LAMA2: variants seen among roughly 807,000 people sequenced by gnomAD.
LAMA2 encodes laminin subunit alpha 2.
In LAMA2, 269 loss-of-function variants were observed where a neutral mutation model predicts 364.8. The observed-to-expected ratio is 0.74, with a 90% CI of 0.67 to 0.82. LAMA2 has a LOEUF of 0.82. Ranked by LOEUF, LAMA2 falls within the 40% of genes least tolerant of loss-of-function variation. The pLI, the probability that LAMA2 is intolerant of heterozygous loss-of-function variation, is 0.00. For missense variants in LAMA2, 3,807 were observed against 3,873.2 expected, an observed-to-expected ratio of 0.98 and a Z score of 0.45; for synonymous variants, 1,379 against 1,370.6, an observed-to-expected ratio of 1.01 and a Z score of -0.14.
intron 54 of LAMA2, among the ~76,000 whole-genome samples, chr6:129,479,039 T>C (rs1331313564): frequency 1.3e-5 from 2 of 152,246 alleles, no homozygotes; most frequent in Non-Finnish European, 2.9e-5. Flanking sequence ...TATAGCTCTT[T>C]ATAGCACATA....
At chr6:128,994,232 G>A (rs780676578) in intron 1 of LAMA2, among the ~76,000 whole-genome samples, 4 of 152,102 alleles carry the variant, frequency 2.6e-5, no homozygotes, top group African/African-American at 4.8e-5. Context: ...AGTATTTGGG[G>A]GTATACATTA....
chr6:129,044,335 A>G (rs536127699), intron 1 of LAMA2, among the ~76,000 whole-genome samples: 2 of 152,234 alleles, frequency 1.3e-5, no homozygotes, highest in South Asian at 4.1e-4. Context: ...TGCCATTTGA[A>G]ACCAAAAAGT....
chr6:129,296,038 T>C (rs1773161025), intron 20 of LAMA2, among the ~76,000 whole-genome samples: 1 of 151,954 alleles, frequency 6.6e-6, no homozygotes, highest in African/African-American at 2.4e-5. Flanking sequence ...TATTTTTGTT[T>C]AATTTCTATT....
At chr6:129,004,591 G>A (rs1784325441) in intron 1 of LAMA2, among the ~76,000 whole-genome samples, 1 of 152,082 alleles carries the variant, frequency 6.6e-6, no homozygotes, top group African/African-American at 2.4e-5. Flanking sequence ...ACAGCCTAAT[G>A]TATTGCCTTC....
intron 4 of LAMA2, among the ~76,000 whole-genome samples, chr6:129,099,428 C>G (rs906759470): frequency 6.6e-6 from 1 of 152,014 alleles, no homozygotes; most frequent in Non-Finnish European, 1.5e-5. Flanking sequence ...CTTAGTGACT[C>G]TCTTGAATTA....
intron 12 of LAMA2, among the ~76,000 whole-genome samples, chr6:129,222,922 T>A (rs1366902909): frequency 6.6e-6 from 1 of 152,178 alleles, no homozygotes; most frequent in East Asian, 1.9e-4. Flanking sequence ...CGCCCCACTG[T>A]CTTCCACAAT....
At chr6:128,891,360 C>G (rs1334078011) in intron 1 of LAMA2, among the ~76,000 whole-genome samples, 1 of 152,000 alleles carries the variant, frequency 6.6e-6, no homozygotes. Context: ...GTAGAGTTTG[C>G]TGCATCAAAT....
At chr6:129,507,885 C>G (rs960511992) in intron 62 of LAMA2, among the ~76,000 whole-genome samples, 1 of 152,232 alleles carries the variant, frequency 6.6e-6, no homozygotes, top group African/African-American at 2.4e-5. Context: ...ATCTCCTTCA[C>G]TGGAGGTTAA....
intron 60 of LAMA2, among the ~76,000 whole-genome samples, chr6:129,504,656 CTCTA>C (rs1258591795): frequency 1.2e-4 from 18 of 152,194 alleles, no homozygotes; most frequent in Non-Finnish European, 2.1e-4. Context: ...TCAGTCACTT[CTCTA>C]TCTTACTCCC....
intron 3 of LAMA2, among the ~76,000 whole-genome samples, chr6:129,070,599 C>G (rs1773247940): frequency 6.6e-6 from 1 of 152,006 alleles, no homozygotes; most frequent in Non-Finnish European, 1.5e-5. Context: ...AATTTTTAAC[C>G]AAGAAGTAAC....
intron 45 of LAMA2, among the ~76,000 whole-genome samples, chr6:129,450,128 C>G (rs892537278): frequency 7.9e-5 from 12 of 151,506 alleles, no homozygotes; most frequent in Admixed American, 6.6e-4. Flanking sequence ...TTGGCAACCC[C>G]CTTTTCAACA....
At chr6:129,366,723 A>G (rs1249776432) in intron 33 of LAMA2, among the ~76,000 whole-genome samples, 2 of 152,234 alleles carry the variant, frequency 1.3e-5, no homozygotes, top group Admixed American at 6.5e-5. Flanking sequence ...AAACATTAAT[A>G]TAAAGTAACA....
chr6:129,133,108 A>G (rs1360765242), intron 4 of LAMA2, among the ~76,000 whole-genome samples: 1 of 152,228 alleles, frequency 6.6e-6, no homozygotes, highest in Non-Finnish European at 1.5e-5. Flanking sequence ...AGTTGTACAC[A>G]TAGACTCAGG....
chr6:128,945,106 C>A (rs187035779), intron 1 of LAMA2, among the ~76,000 whole-genome samples: 1 of 152,126 alleles, frequency 6.6e-6, no homozygotes, highest in Non-Finnish European at 1.5e-5. Context: ...GAAGAGCAGG[C>A]GTAGACAAGA....
In LAMA2 at chr6:128,946,187, A is replaced by G. The variant is rs538189206; in HGVS notation, c.112+62830A>G. ...TAAGTCACTACGTTTGTGATAATTT[A>G]TTATACAGTAATAAAAACCAAATAC... On this transcript the variant is annotated intron_variant, in intron 1 of 64. Coordinates refer to ENST00000421865, the MANE Select transcript of LAMA2 (RefSeq NM_000426.4). Among the ~76,000 whole-genome samples the G allele has an allele frequency of 4.6e-5, 7 of 152,382 alleles. No individual in the cohort carries two copies. In the South Asian group the frequency reaches 1.4e-3, roughly 32 times the overall value.
chr6:129,408,786 G>A (rs1243086293), intron 40 of LAMA2, among the ~76,000 whole-genome samples: 2 of 152,136 alleles, frequency 1.3e-5, no homozygotes, highest in African/African-American at 4.8e-5. Flanking sequence ...TGCCACCATG[G>A]CCACTTTGTT....
chr6:128,920,881 AAGAG>A (rs769202412), intron 1 of LAMA2, among the ~76,000 whole-genome samples: 10 of 152,176 alleles, frequency 6.6e-5, no homozygotes, highest in Non-Finnish European at 1.2e-4. Context: ...GAAGAAAAGA[AAGAG>A]AGACCAGAAA....
At chr6:129,118,439 T>C (rs1776600151) in intron 4 of LAMA2, among the ~76,000 whole-genome samples, 1 of 152,228 alleles carries the variant, frequency 6.6e-6, no homozygotes, top group Non-Finnish European at 1.5e-5. Flanking sequence ...ACTCACTTTA[T>C]TGTGATATCA....
At chr6:129,047,623 T>C (rs1787616233) in intron 1 of LAMA2, among the ~76,000 whole-genome samples, 1 of 152,196 alleles carries the variant, frequency 6.6e-6, no homozygotes, top group African/African-American at 2.4e-5. Context: ...TGGGAGATCT[T>C]AAGAATGACT....
Sources: allele counts gnomAD v4.1 joint callset (sites outside exome capture counted in the v4.1 genomes callset), GRCh38; gene constraint gnomAD v4.1.1; transcripts MANE v1.5; gene names NCBI Gene and HGNC (gene_info 2026-07-23, HGNC 2026-07-21).